CD3D: variants seen among roughly 807,000 people sequenced by gnomAD.
CD3D encodes the protein CD3 delta subunit of T-cell receptor complex.
In CD3D, 22 loss-of-function variants were observed where a neutral mutation model predicts 22.0. The ratio of observed to expected loss-of-function variants is 1.00; its 90% CI spans 0.71 to 1.43. The LOEUF (loss-of-function observed/expected upper bound fraction) is 1.43. Among genes scored for constraint, CD3D ranks in the 40% most tolerant of loss-of-function variants. The probability of loss-of-function intolerance (pLI) is 0.00; values close to 1 mark genes in which losing one functional copy is unlikely to be tolerated. For missense variants in CD3D, 205 were observed against 211.7 expected (o/e 0.97, Z 0.20); for synonymous variants, 74 against 81.2 (o/e 0.91, Z 0.48).
rs758839719 is a variant in CD3D at position 118,340,377 on chromosome 11, C to T, written c.272G>A (p.Arg91Gln). Residue 91 changes from arginine to glutamine, a missense_variant and splice_region_variant, in exon 2 of 5, where the codon CGA becomes CAA. Arg to Gln is a conservative substitution (Grantham distance 43). Coordinates refer to ENST00000300692, the MANE Select transcript of CD3D (RefSeq NM_000732.6). ...CAAAGGGTTCAGGAAGCACGTACTT[C>T]GATAATGAACTTGCACGGTAGATTC... ...DKESTVQVHY[R>Q]MCQSCVELDP... 16 of 1,612,276 alleles carry T rather than the reference C, an allele frequency of 9.9e-6. No homozygotes were observed. Among genetic ancestry groups the T allele is most frequent in the African/African-American group, 4.0e-5 (3 of 74,870 alleles).
intron 3 of CD3D, 38 bp downstream of exon 3, chr11:118,339,737 C>G (rs1565517607): frequency 1.2e-6 from 2 of 1,611,344 alleles, no homozygotes; most frequent in Admixed American, 3.3e-5. Flanking sequence ...CACACACACA[C>G]ACACAAACAC....
At chr11:118,342,317 T>C (rs1380335498) in intron 1 of CD3D, among the ~76,000 whole-genome samples, 2 of 152,102 alleles carry the variant, frequency 1.3e-5, no homozygotes, top group East Asian at 3.9e-4. Context: ...ACTACAGTTG[T>C]GCACCACCAT....
chr11:118,342,466 T>C (rs1948307852), intron 1 of CD3D, 87 bp downstream of exon 1: 9 of 1,253,386 alleles, frequency 7.2e-6, no homozygotes, highest in Middle Eastern at 2.1e-4. Context: ...CCACCGTGCC[T>C]GGCAAGAAAC....
intron 2 of CD3D, 90 bp from the exon 3 acceptor site, chr11:118,339,996 T>C (rs1948285925): frequency 1.3e-6 from 2 of 1,536,866 alleles, no homozygotes; most frequent in Non-Finnish European, 9.0e-7. Context: ...TTAGATCTCT[T>C]ATGCCAAAAC....
At chr11:118,339,735 CACACACAA>C (rs748640212) in intron 3 of CD3D, 32 bp downstream of exon 3, 3 of 1,611,524 alleles carry the variant, frequency 1.9e-6, no homozygotes, top group African/African-American at 2.7e-5. Context: ...CACACACACA[CACACACAA>C]ACACACTCTC....
chr11:118,339,591 C>T (rs1948280808), intron 3 of CD3D, 97 bp from the exon 4 acceptor site: 1 of 1,573,886 alleles, frequency 6.4e-7, no homozygotes, highest in Non-Finnish European at 8.7e-7. Context: ...GATATGAACA[C>T]ACAAGTTCTT....
chr11:118,339,460 C>G lies in CD3D; in HGVS notation c.441G>C (p.Gln147His), dbSNP rs751718925. 6.2e-7 allele frequency: 1 copy of G among 1,614,064 alleles called. No individual in the cohort carries two copies. Among genetic ancestry groups the G allele is most frequent in the Admixed American group, 1.7e-5 (1 of 60,008 alleles). Residue 147 changes from glutamine (Q) to histidine (H), a missense_variant, in exon 4 of 5, where the codon CAG (glutamine) becomes CAC (histidine). Gln to His is a conservative substitution (Grantham distance 24). Transcript: ENST00000300692. ...ADTQALLRND[Q>H]VYQPLRDRDD... ...TCCCCTCAACGCTCACCTGATAGAC[C>G]TGGTCATTCCTCAACAGAGCTTGTG...
rs1948285866 is a variant in CD3D, at chr11:118,339,977, G to A, written c.275-71C>T. The A allele has an allele frequency of 1.3e-6, 2 of 1,587,232 alleles. 1 individual carries two copies. The highest frequency in any genetic ancestry group is 2.2e-5 in the South Asian group (2 of 90,114). On this transcript the variant is annotated intron_variant, in intron 2 of 4. Transcript: ENST00000300692. ...TCAGGGAACCATCCTCTGCCTCCTA[G>A]GGCAACCCTTAGATCTCTTATGCCA...
Position 118,339,741 on chromosome 11 carries a change from C to CACAA in CD3D, c.406+33_406+34insTTGT, listed in dbSNP as rs57470363. 1.9e-6 allele frequency: 3 copies of CACAA among 1,604,102 alleles called. No homozygotes were observed. The South Asian group carries it at 3.3e-5, about 18-fold the overall frequency. On this transcript the variant is annotated intron_variant, in intron 3 of 4. Coordinates refer to ENST00000300692, the MANE Select transcript of CD3D (RefSeq NM_000732.6). ...ACACACACACACACACACACACACA[C>CACAA]AAACACACTCTCATGCTCTGCTCTT...
chr11:118,341,845 T>A (rs1424914052), intron 1 of CD3D, among the ~76,000 whole-genome samples: 1 of 152,158 alleles, frequency 6.6e-6, no homozygotes, highest in Non-Finnish European at 1.5e-5. Flanking sequence ...CTTAAAGCAT[T>A]CACATAAGTG....
In CD3D at chr11:118,339,505, CAG is replaced by C; in HGVS notation, c.407-13_407-12del. On this transcript the variant is annotated splice_polypyrimidine_tract_variant and intron_variant, in intron 3 of 4. Transcript: ENST00000300692. ...CTTGTGTGTCGGCAGCTAGAAGAACCAGAGAGAGACATCAATGGCCTAGCAGA... is the reference window on the plus strand; with the variant it reads ...CTTGTGTGTCGGCAGCTAGAAGAACCAGAGAGACATCAATGGCCTAGCAGA... 1 of 1,614,124 alleles carries C rather than the reference CAG, an allele frequency of 6.2e-7. No individual in the cohort carries two copies.
intron 1 of CD3D, chr11:118,340,813 AG>A: frequency 1.5e-6 from 1 of 671,740 alleles, no homozygotes; most frequent in Middle Eastern, 2.4e-4. Flanking sequence ...AGCAGAGGAC[AG>A]GTCTTGGGGC....
intron 2 of CD3D, among the ~76,000 whole-genome samples, chr11:118,340,141 G>A (rs1398419284): frequency 2.6e-5 from 4 of 152,056 alleles, no homozygotes; most frequent in Non-Finnish European, 5.9e-5. Context: ...CAAGGTGGTG[G>A]GCCAAACCTC....
Position 118,340,608 on chromosome 11 carries a change from A to G in CD3D, c.56-15T>C, listed in dbSNP as rs201177720. ...GAAGGGGCTCACTAAAGGGGAAAAA[A>G]TATCACAGTTGGAGACAGCTCTTTG... is the stretch of plus-strand genomic sequence containing the variant. On this transcript the variant is annotated splice_polypyrimidine_tract_variant and intron_variant, in intron 1 of 4. Transcript: ENST00000300692. The G allele has an allele frequency of 1.7e-5, 27 of 1,573,990 alleles. No homozygotes were observed. The highest frequency in any genetic ancestry group is 2.7e-5 in the African/African-American group (2 of 74,110).
At position 118,342,616 on chromosome 11, in the gene CD3D, G is replaced by A. The variant is rs202149726; in HGVS notation, c.-9C>T. On this transcript the variant is annotated 5_prime_UTR_variant, in exon 1 of 5. Transcript: ENST00000300692. ...AACGTGCTATGTTCCATCTCCCAGC[G>A]GAACTCATCCAGTAGATAAAGCCAG... is the stretch of plus-strand genomic sequence containing the variant. The A allele has an allele frequency of 3.5e-5, 57 of 1,613,096 alleles. No homozygotes were observed. Among genetic ancestry groups the A allele is most frequent in the Middle Eastern group, 1.6e-4 (1 of 6,076 alleles).
chr11:118,340,624 C>T (rs1409349321), intron 1 of CD3D, 31 bp from the exon 2 acceptor site: 1 of 1,487,222 alleles, frequency 6.7e-7, no homozygotes, highest in Admixed American at 1.7e-5. Flanking sequence ...CAGTTGGAGA[C>T]AGCTCTTTGA....
At position 118,339,103 on chromosome 11, in the gene CD3D, G is replaced by A. The variant is rs113271462; in HGVS notation, c.*59C>T. On this transcript the variant is annotated 3_prime_UTR_variant, in exon 5 of 5. Transcript: ENST00000300692. ...GTGAAAGAGGATATATTTATTGGCT[G>A]AGCAAGAAGGGAAGGTACAGTTGGT... 1,846 of 1,411,384 alleles carry A rather than the reference G, an allele frequency of 1.3e-3. 14 individuals carry two copies. The African/African-American group carries it at 0.023, about 18-fold the overall frequency. The allele number at this position is 1,411,384 out of a possible 1,614,324, so 87.4% of individuals were successfully genotyped here. A position where few individuals can be genotyped will look rare whatever the true frequency, so the allele number is the denominator to read the frequency against.
intron 1 of CD3D, among the ~76,000 whole-genome samples, chr11:118,341,306 T>C (rs923899559): frequency 1.3e-5 from 2 of 152,210 alleles, no homozygotes; most frequent in East Asian, 1.9e-4. Flanking sequence ...AAGTCAAGTC[T>C]TGTGGGAGAC....
chr11:118,340,426 C>T lies in CD3D; in HGVS notation c.223G>A (p.Gly75Arg), dbSNP rs372979468. Residue 75 changes from glycine to arginine, a missense_variant, in exon 2 of 5, where the codon GGG becomes AGG. Gly to Arg is a moderately radical substitution (Grantham distance 125, BLOSUM62 -2). Coordinates refer to ENST00000300692, the MANE Select transcript of CD3D (RefSeq NM_000732.6). ...TCTTTGTCCTTGTATATATCTGTCC[C>T]ATTACACCTATATATTCCTCGTGGG... Reference protein sequence around the residue: ...LDPRGIYRCNGTDIYKDKEST... With the variant: ...LDPRGIYRCNRTDIYKDKEST... 6.2e-7 allele frequency: 1 copy of T among 1,614,076 alleles called. No homozygotes were observed. The highest frequency in any genetic ancestry group is 1.7e-5 in the Admixed American group (1 of 60,018).
Sources: gnomAD v4.1 joint callset for allele counts (sites outside exome capture counted in the v4.1 genomes callset) on GRCh38, gnomAD v4.1.1 for gene constraint, MANE v1.5 for transcripts, NCBI Gene and HGNC (gene_info 2026-07-23, HGNC 2026-07-21) for gene names.